The following SMAGP variants were observed in gnomAD, a reference collection of about 807,000 sequenced individuals.
SMAGP encodes the protein small cell adhesion glycoprotein.
In SMAGP, 7 loss-of-function variants were observed where a neutral mutation model predicts 10.1. The observed-to-expected ratio is 0.70, with a 90% CI of 0.40 to 1.31. The LOEUF (loss-of-function observed/expected upper bound fraction) is 1.31. SMAGP is among the 50% of genes most tolerant of loss of function. The probability of loss-of-function intolerance (pLI) is 0.01; values close to 1 mark genes in which losing one functional copy is unlikely to be tolerated. For synonymous variants in SMAGP, 49 were observed against 47.2 expected (o/e 1.04, Z -0.16); for missense variants, 113 against 116.5 (o/e 0.97, Z 0.14).
chr12:51,254,269 C>A (rs939815598), intron 2 of SMAGP, among the ~76,000 whole-genome samples: 14 of 152,136 alleles, frequency 9.2e-5, no homozygotes, highest in African/African-American at 3.1e-4. Flanking sequence ...TAAAATAAGG[C>A]CGGGCGCGGT....
At chr12:51,261,295 C>A (rs571790449) in intron 2 of SMAGP, among the ~76,000 whole-genome samples, 107 of 151,950 alleles carry the variant, frequency 7.0e-4, no homozygotes, top group African/African-American at 2.5e-3. Context: ...CAGGGTTTCA[C>A]CATGTTGGCC....
In SMAGP at chr12:51,244,766, G is replaced by A. The variant is rs1007793797; in HGVS notation, c.*1175C>T. ...TGTATATATGTAGAAGGGATTCTGG[G>A]AAATTCTGGCCCTTGCCAGGATGGA... On this transcript the variant is annotated 3_prime_UTR_variant, in exon 4 of 4. Coordinates refer to ENST00000603798, the MANE Select transcript of SMAGP (RefSeq NM_001031628.2). 6.6e-6 allele frequency: 1 copy of A among 151,026 alleles called. No homozygotes were observed. Among genetic ancestry groups the A allele is most frequent in the African/African-American group, 2.4e-5 (1 of 40,946 alleles). 9.4% of individuals were successfully genotyped at this position (151,026 alleles called of 1,614,324 possible). A position where few individuals can be genotyped will look rare whatever the true frequency, so the allele number is the denominator to read the frequency against.
chr12:51,247,745 G>A (rs1002527974), intron 2 of SMAGP, among the ~76,000 whole-genome samples: 1 of 152,128 alleles, frequency 6.6e-6, no homozygotes, highest in Non-Finnish European at 1.5e-5. Flanking sequence ...CCCATAAACA[G>A]CAACACTCAC....
chr12:51,256,501 C>A (rs2137302637), intron 2 of SMAGP, among the ~76,000 whole-genome samples: 1 of 152,296 alleles, frequency 6.6e-6, no homozygotes, highest in South Asian at 2.1e-4. Flanking sequence ...GCAGGCGGAT[C>A]ACCTGAGGTC....
Position 51,246,016 on chromosome 12 carries a change from T to G in SMAGP, c.219A>C (p.Glu73Asp). 1 of 1,613,872 alleles carries G rather than the reference T, an allele frequency of 6.2e-7. No homozygotes were observed. Among genetic ancestry groups the G allele is most frequent in the Non-Finnish European group, 8.5e-7 (1 of 1,179,826 alleles). ...KGSYVTYEPT[E>D]GEPSAIVQME... ...TCTGGACGATGGCACTGGGCTCACCTTCTGTAGGTTCATAGGTGACGTAGC... is the reference window on the plus strand; with the variant it reads ...TCTGGACGATGGCACTGGGCTCACCGTCTGTAGGTTCATAGGTGACGTAGC... Residue 73 changes from glutamate to aspartate, a missense_variant, in exon 4 of 4, where the codon GAA becomes GAC. Coordinates refer to ENST00000603798, the MANE Select transcript of SMAGP (RefSeq NM_001031628.2).
At position 51,245,893 on chromosome 12, in the gene SMAGP, C is replaced by T. The variant is rs566703112; in HGVS notation, c.*48G>A. The T allele has an allele frequency of 1.8e-5, 28 of 1,575,036 alleles. No homozygotes were observed. The South Asian group carries it at 2.6e-4, about 15-fold the overall frequency. On this transcript the variant is annotated 3_prime_UTR_variant, in exon 4 of 4. Coordinates refer to ENST00000603798, the MANE Select transcript of SMAGP (RefSeq NM_001031628.2). ...AAACTTTCCCATAATAAGCAGTCAACGTGTTAGCGATGGAGCCAGGAATAA... is the reference window on the plus strand; with the variant it reads ...AAACTTTCCCATAATAAGCAGTCAATGTGTTAGCGATGGAGCCAGGAATAA...
At chr12:51,258,325 T>G (rs901656733) in intron 2 of SMAGP, among the ~76,000 whole-genome samples, 6 of 152,200 alleles carry the variant, frequency 3.9e-5, no homozygotes, top group African/African-American at 1.4e-4. Flanking sequence ...TGCATGCCTG[T>G]AATCCCAGCA....
rs542816566 is a variant in SMAGP, at chr12:51,249,077, CCAAAAA to C, written c.35-2252_35-2247del. On this transcript the variant is annotated intron_variant, in intron 2 of 3. Coordinates refer to ENST00000603798, the MANE Select transcript of SMAGP (RefSeq NM_001031628.2). ...CCTGGGGGATAGAATGAGACCCCATCCAAAAACAAAAACAAAAACAAAACCCCAAAA... is the reference window on the plus strand; with the variant it reads ...CCTGGGGGATAGAATGAGACCCCATCCAAAAACAAAAACAAAACCCCAAAA... 4.6e-5 allele frequency among the ~76,000 whole-genome samples: 7 copies of C among 152,068 alleles called. No homozygotes were observed. In the South Asian group the frequency reaches 1.0e-3, roughly 23 times the overall value.
At chr12:51,267,309 T>G (rs562906400) in intron 2 of SMAGP, among the ~76,000 whole-genome samples, 1 of 152,170 alleles carries the variant, frequency 6.6e-6, no homozygotes, top group Admixed American at 6.6e-5. Context: ...GTATGAGGTA[T>G]TCTACCTTTA....
At position 51,245,352 on chromosome 12, in the gene SMAGP, T is replaced by C. The variant is rs937952647; in HGVS notation, c.*589A>G. ...TACTTCTTGCACATGAGAATCTGAT[T>C]TCTGTAGCAATGAAAATTTTTAATT... On this transcript the variant is annotated 3_prime_UTR_variant, in exon 4 of 4. Coordinates refer to ENST00000603798, the MANE Select transcript of SMAGP (RefSeq NM_001031628.2). 1 of 152,640 alleles carries C rather than the reference T, an allele frequency of 6.6e-6. No homozygotes were observed. Among genetic ancestry groups the C allele is most frequent in the African/African-American group, 2.4e-5 (1 of 41,448 alleles). 9.5% of individuals were successfully genotyped at this position (152,640 alleles called of 1,614,324 possible). A position where few individuals can be genotyped will look rare whatever the true frequency, so the allele number is the denominator to read the frequency against.
chr12:51,250,753 G>A (rs1028656757), intron 2 of SMAGP, among the ~76,000 whole-genome samples: 2 of 152,110 alleles, frequency 1.3e-5, no homozygotes, highest in Admixed American at 6.6e-5. Context: ...AATGATTTCT[G>A]CCTCCTGGTA....
chr12:51,269,423 C>T, intron 1 of SMAGP, 107 bp from the exon 2 acceptor site: 1 of 802,670 alleles, frequency 1.2e-6, no homozygotes. Flanking sequence ...CAAGTCCCTT[C>T]CCCTTTTTCT....
chr12:51,249,430 C>A (rs1944814444), intron 2 of SMAGP, among the ~76,000 whole-genome samples: 1 of 152,112 alleles, frequency 6.6e-6, no homozygotes, highest in Admixed American at 6.5e-5. Context: ...CCTGTGGTAT[C>A]TGACACTATC....
chr12:51,247,032 T>C (rs951125262), intron 2 of SMAGP, among the ~76,000 whole-genome samples: 1 of 152,104 alleles, frequency 6.6e-6, no homozygotes, highest in Non-Finnish European at 1.5e-5. Flanking sequence ...TGTTGATGGA[T>C]TTCTCCCTGC....
At chr12:51,266,240 G>A (rs569034977) in intron 2 of SMAGP, among the ~76,000 whole-genome samples, 5 of 152,258 alleles carry the variant, frequency 3.3e-5, no homozygotes, top group South Asian at 2.1e-4. Context: ...ATTATGTACC[G>A]TTCTGAGTAG....
intron 3 of SMAGP, 101 bp downstream of exon 3, chr12:51,246,650 A>G (rs1046662787): frequency 2.4e-5 from 17 of 706,348 alleles, no homozygotes; most frequent in Non-Finnish European, 3.7e-5. Context: ...AATATAACTT[A>G]CAAGCCAGAG....
Position 51,245,755 on chromosome 12 carries a change from G to T in SMAGP, c.*186C>A. The T allele has an allele frequency of 1.7e-6, 1 of 599,650 alleles. No homozygotes were observed. The allele number at this position is 599,650 out of a possible 1,614,324, so 37.1% of individuals were successfully genotyped here. On this transcript the variant is annotated 3_prime_UTR_variant, in exon 4 of 4. Transcript: ENST00000603798. Reference sequence around the variant, plus strand: ...GGCCTGGTTAAAGATATCATAAACAGCTTTCTCCATGTCCCTGGTCCCTGG... The same window carrying T: ...GGCCTGGTTAAAGATATCATAAACATCTTTCTCCATGTCCCTGGTCCCTGG...
At chr12:51,266,777 C>T (rs1307610869) in intron 2 of SMAGP, among the ~76,000 whole-genome samples, 2 of 151,856 alleles carry the variant, frequency 1.3e-5, no homozygotes, top group Admixed American at 6.6e-5. Flanking sequence ...GAATTGTCTG[C>T]GAAAAAATGG....
At chr12:51,259,754 C>T (rs914494982) in intron 2 of SMAGP, among the ~76,000 whole-genome samples, 4 of 152,074 alleles carry the variant, frequency 2.6e-5, no homozygotes, top group Non-Finnish European at 4.4e-5. Context: ...TGTTCTGTCA[C>T]CCAGGCTGGA....
Sources: gnomAD v4.1 joint callset for allele counts (sites outside exome capture counted in the v4.1 genomes callset) on GRCh38, gnomAD v4.1.1 for gene constraint, MANE v1.5 for transcripts, NCBI Gene and HGNC (gene_info 2026-07-23, HGNC 2026-07-21) for gene names.